Variants in POM121L12 observed in about 807,000 individuals in gnomAD.
The protein encoded by POM121L12 is POM121 transmembrane nucleoporin like 12.
For synonymous variants in POM121L12, 251 were observed against 179.2 expected (o/e 1.40, Z -3.20); for missense variants, 553 against 409.2 (o/e 1.35, Z -3.03).
rs781565063 is a variant in POM121L12 at position 53,036,086 on chromosome 7, A to G, written c.415A>G (p.Ile139Val). ...NPGRTWSPVTIGIAPPERQES... is the reference protein window; with the variant it reads ...NPGRTWSPVTVGIAPPERQES... ...AGGACGGACCTGGAGCCCGGTGACCATCGGGATCGCGCCCCCTGAGCGTCA... is the reference window on the plus strand; with the variant it reads ...AGGACGGACCTGGAGCCCGGTGACCGTCGGGATCGCGCCCCCTGAGCGTCA... The change falls in exon 1 of 1, where the codon ATC (isoleucine) becomes GTC (valine). Residue 139 changes from isoleucine (I) to valine (V), a missense_variant. Physicochemically the swap from Ile to Val is conservative, Grantham distance 29 (BLOSUM62 3). Coordinates refer to ENST00000408890, the MANE Select transcript of POM121L12 (RefSeq NM_182595.4). 1 of 1,612,604 alleles carries G rather than the reference A, an allele frequency of 6.2e-7. No individual in the cohort carries two copies. The highest frequency in any genetic ancestry group is 8.5e-7 in the Non-Finnish European group (1 of 1,179,804).
Position 53,036,300 on chromosome 7 carries a change from T to A in POM121L12, c.629T>A (p.Leu210Gln). ...GACAGCAAGGGTGGCAGGCGGAACC[T>A]GCAGCCCCGGCCCTCTGCCTTCAAG... Reference protein sequence around the residue: ...VSDSKGGRRNLQPRPSAFKPL... With the variant: ...VSDSKGGRRNQQPRPSAFKPL... Residue 210 changes from leucine (L) to glutamine (Q), a missense_variant, in exon 1 of 1, where the codon CTG becomes CAG. By Grantham distance (113) the Leu-to-Gln change is moderately radical (BLOSUM62 -2). Coordinates refer to ENST00000408890, the MANE Select transcript of POM121L12 (RefSeq NM_182595.4). The A allele has an allele frequency of 6.2e-7, 1 of 1,614,116 alleles. No homozygotes were observed. The highest frequency in any genetic ancestry group is 1.1e-5 in the South Asian group (1 of 91,090).
At position 53,036,673 on chromosome 7, in the gene POM121L12, T is replaced by C; in HGVS notation, c.*111T>C. The C allele has an allele frequency of 4.1e-6, 5 of 1,212,920 alleles. No individual in the cohort carries two copies. The highest frequency in any genetic ancestry group is 1.2e-6 in the Non-Finnish European group (1 of 862,790). The allele number at this position is 1,212,920 out of a possible 1,614,324, so 75.1% of individuals were successfully genotyped here. A position where few individuals can be genotyped will look rare whatever the true frequency, so the allele number is the denominator to read the frequency against. On this transcript the variant is annotated 3_prime_UTR_variant, in exon 1 of 1. Transcript: ENST00000408890. Reference sequence around the variant, plus strand: ...GGCCCTGACACCACGTTATCAAACATGCAGCCCCCACACCCCTCGTCTGCC... The same window carrying C: ...GGCCCTGACACCACGTTATCAAACACGCAGCCCCCACACCCCTCGTCTGCC...
chr7:53,036,062 G>C lies in POM121L12; in HGVS notation c.391G>C (p.Gly131Arg). 1.2e-6 allele frequency: 2 copies of C among 1,612,840 alleles called. No individual in the cohort carries two copies. The highest frequency in any genetic ancestry group is 1.7e-6 in the Non-Finnish European group (2 of 1,179,736). ...KGGLCRAWNP[G>R]RTWSPVTIGI... ...GGGGCTGTGTCGTGCCTGGAACCCA[G>C]GACGGACCTGGAGCCCGGTGACCAT... The change falls in exon 1 of 1, where the codon GGA (glycine) becomes CGA (arginine). Residue 131 changes from glycine (G) to arginine (R), a missense_variant. Transcript: ENST00000408890.
chr7:53,036,903 C>T lies in POM121L12; in HGVS notation c.*341C>T, dbSNP rs1396635114. The T allele has an allele frequency of 3.8e-6, 1 of 260,054 alleles. No homozygotes were observed. Among genetic ancestry groups the T allele is most frequent in the East Asian group, 8.2e-5 (1 of 12,188 alleles). 16.1% of individuals were successfully genotyped at this position (260,054 alleles called of 1,614,324 possible). A position where few individuals can be genotyped will look rare whatever the true frequency, so the allele number is the denominator to read the frequency against. ...CCAGTTGTATAGTTAAATATTTGAT[C>T]TTATTAAAAACATTTGTCTGCAGAA... On this transcript the variant is annotated 3_prime_UTR_variant, in exon 1 of 1. Coordinates refer to ENST00000408890, the MANE Select transcript of POM121L12 (RefSeq NM_182595.4).
In POM121L12 at chr7:53,036,283, G is replaced by T. The variant is rs1025627433; in HGVS notation, c.612G>T (p.Lys204Asn). 2.5e-6 allele frequency: 4 copies of T among 1,614,142 alleles called. No homozygotes were observed. Among genetic ancestry groups the T allele is most frequent in the Non-Finnish European group, 2.5e-6 (3 of 1,180,012 alleles). ...TGTGGTTCGAGGTCTCAGACAGCAA[G>T]GGTGGCAGGCGGAACCTGCAGCCCC... is the stretch of plus-strand genomic sequence containing the variant. The part of the protein sequence containing the change: ...GPLWFEVSDS[K>N]GGRRNLQPRP... The change falls in exon 1 of 1, where the codon AAG becomes AAT. Residue 204 changes from lysine to asparagine, a missense_variant. Lys to Asn is a moderately conservative substitution (Grantham distance 94). Coordinates refer to ENST00000408890, the MANE Select transcript of POM121L12 (RefSeq NM_182595.4).
In POM121L12 at chr7:53,036,138, A is replaced by G; in HGVS notation, c.467A>G (p.Gln156Arg). The G allele has an allele frequency of 1.9e-6, 3 of 1,611,014 alleles. No homozygotes were observed. Among genetic ancestry groups the G allele is most frequent in the Non-Finnish European group, 2.5e-6 (3 of 1,179,464 alleles). ...GAGAGCCCCTGGAGATCCCCTGGACAGAGAGCCCGCCCCGCAGGCCGCCCC... is the reference window on the plus strand; with the variant it reads ...GAGAGCCCCTGGAGATCCCCTGGACGGAGAGCCCGCCCCGCAGGCCGCCCC... ...RQESPWRSPG[Q>R]RARPAGRPAA... The change falls in exon 1 of 1, where the codon CAG becomes CGG. Residue 156 changes from glutamine to arginine, a missense_variant. By Grantham distance (43) the Gln-to-Arg change is conservative. Transcript: ENST00000408890.
chr7:53,036,374 C>A lies in POM121L12; in HGVS notation c.703C>A (p.Pro235Thr). 1 of 1,613,726 alleles carries A rather than the reference C, an allele frequency of 6.2e-7. No homozygotes were observed. Among genetic ancestry groups the A allele is most frequent in the African/African-American group, 1.3e-5 (1 of 75,036 alleles). The stretch of plus-strand genomic sequence containing the variant: ...TGCTTCCTTCGTGCCCAGGCCAGGG[C>A]CTCTGAAGCCGAGCCTCGGCCCCTG... ...AVASFVPRPG[P>T]LKPSLGPWSL... Residue 235 changes from proline (P) to threonine (T), a missense_variant, in exon 1 of 1, where the codon CCT becomes ACT. Coordinates refer to ENST00000408890, the MANE Select transcript of POM121L12 (RefSeq NM_182595.4).
In POM121L12 at chr7:53,036,106, G is replaced by A. The variant is rs1334825496; in HGVS notation, c.435G>A (p.Glu145=). 1.9e-6 allele frequency: 3 copies of A among 1,611,960 alleles called. No individual in the cohort carries two copies. Among genetic ancestry groups the A allele is most frequent in the Non-Finnish European group, 2.5e-6 (3 of 1,179,800 alleles). ...TGACCATCGGGATCGCGCCCCCTGA[G>A]CGTCAGGAGAGCCCCTGGAGATCCC... ...SPVTIGIAPP[E]RQESPWRSPG... is the part of the protein sequence containing the mutation. The change falls in exon 1 of 1, where the codon GAG becomes GAA. Residue 145 remains glutamate, a synonymous_variant. Coordinates refer to ENST00000408890, the MANE Select transcript of POM121L12 (RefSeq NM_182595.4).
In POM121L12 at chr7:53,036,250, C is replaced by T. The variant is rs375458709; in HGVS notation, c.579C>T (p.Asp193=). ...GCCCCAAGGGAAGCGCTAGGTTCGA[C>T]GGGCCGTTGTGGTTCGAGGTCTCAG... is the stretch of plus-strand genomic sequence containing the variant. ...SQCPKGSARF[D]GPLWFEVSDS... Residue 193 remains aspartate (D), a synonymous_variant, in exon 1 of 1, where the codon GAC becomes GAT. Coordinates refer to ENST00000408890, the MANE Select transcript of POM121L12 (RefSeq NM_182595.4). The T allele has an allele frequency of 5.1e-4, 826 of 1,613,850 alleles. 1 individual carries two copies. Among genetic ancestry groups the T allele is most frequent in the Non-Finnish European group, 6.4e-4 (760 of 1,179,974 alleles).
At position 53,035,972 on chromosome 7, in the gene POM121L12, G is replaced by T. The variant is rs1013805683; in HGVS notation, c.301G>T (p.Ala101Ser). ...GGTCTCCGAGGGCTGGAGGCGCCCT[G>T]CCCTTCCCGGGGAGACCGCTCTGGG... ...RVVSEGWRRPALPGETALGRD... is the reference protein window; with the variant it reads ...RVVSEGWRRPSLPGETALGRD... Residue 101 changes from alanine to serine, a missense_variant, in exon 1 of 1, where the codon GCC (alanine) becomes TCC (serine). Coordinates refer to ENST00000408890, the MANE Select transcript of POM121L12 (RefSeq NM_182595.4). The T allele has an allele frequency of 2.5e-6, 4 of 1,612,654 alleles. No homozygotes were observed. The highest frequency in any genetic ancestry group is 3.4e-6 in the Non-Finnish European group (4 of 1,179,550).
At position 53,036,705 on chromosome 7, in the gene POM121L12, C is replaced by T. The variant is rs1270534736; in HGVS notation, c.*143C>T. On this transcript the variant is annotated 3_prime_UTR_variant, in exon 1 of 1. Coordinates refer to ENST00000408890, the MANE Select transcript of POM121L12 (RefSeq NM_182595.4). ...CCCACACCCCTCGTCTGCCCGCCCC[C>T]AGATCTTCCCTCTGTGCTCCCTGCC... The T allele has an allele frequency of 1.1e-6, 1 of 883,288 alleles. No homozygotes were observed. Among genetic ancestry groups the T allele is most frequent in the Non-Finnish European group, 1.7e-6 (1 of 581,624 alleles). The allele number at this position is 883,288 out of a possible 1,614,324, so 54.7% of individuals were successfully genotyped here.
At position 53,036,265 on chromosome 7, in the gene POM121L12, C is replaced by G. The variant is rs1398358196; in HGVS notation, c.594C>G (p.Phe198Leu). ...GSARFDGPLWFEVSDSKGGRR... is the reference protein window; with the variant it reads ...GSARFDGPLWLEVSDSKGGRR... ...CTAGGTTCGACGGGCCGTTGTGGTT[C>G]GAGGTCTCAGACAGCAAGGGTGGCA... The change falls in exon 1 of 1, where the codon TTC (phenylalanine) becomes TTG (leucine). Residue 198 changes from phenylalanine to leucine, a missense_variant. By Grantham distance (22) the Phe-to-Leu change is conservative (BLOSUM62 0). Transcript: ENST00000408890. 1.9e-6 allele frequency: 3 copies of G among 1,613,940 alleles called. No individual in the cohort carries two copies. Among genetic ancestry groups the G allele is most frequent in the Non-Finnish European group, 2.5e-6 (3 of 1,180,002 alleles).
In POM121L12 at chr7:53,036,476, G is replaced by A. The variant is rs772278187; in HGVS notation, c.805G>A (p.Glu269Lys). The change falls in exon 1 of 1, where the codon GAG becomes AAG. Residue 269 changes from glutamate (E) to lysine (K), a missense_variant. By Grantham distance (56) the Glu-to-Lys change is moderately conservative. Coordinates refer to ENST00000408890, the MANE Select transcript of POM121L12 (RefSeq NM_182595.4). ...PAPSAIWDFW[E>K]ATTPSCGSCS... ...CCCATCCGCCATCTGGGACTTCTGGGAGGCGACAACGCCTTCCTGCGGCAG... is the reference window on the plus strand; with the variant it reads ...CCCATCCGCCATCTGGGACTTCTGGAAGGCGACAACGCCTTCCTGCGGCAG... The A allele has an allele frequency of 1.2e-6, 2 of 1,613,910 alleles. No homozygotes were observed. Among genetic ancestry groups the A allele is most frequent in the Non-Finnish European group, 1.7e-6 (2 of 1,180,030 alleles).
At position 53,036,147 on chromosome 7, in the gene POM121L12, G is replaced by T. The variant is rs565383229; in HGVS notation, c.476G>T (p.Arg159Leu). 5 of 1,610,364 alleles carry T rather than the reference G, an allele frequency of 3.1e-6. No individual in the cohort carries two copies. Among genetic ancestry groups the T allele is most frequent in the Middle Eastern group, 1.7e-4 (1 of 5,972 alleles). Residue 159 changes from arginine to leucine, a missense_variant, in exon 1 of 1, where the codon CGC becomes CTC. Coordinates refer to ENST00000408890, the MANE Select transcript of POM121L12 (RefSeq NM_182595.4). ...TGGAGATCCCCTGGACAGAGAGCCCGCCCCGCAGGCCGCCCCGCCGCCCAG... is the reference window on the plus strand; with the variant it reads ...TGGAGATCCCCTGGACAGAGAGCCCTCCCCGCAGGCCGCCCCGCCGCCCAG... ...SPWRSPGQRA[R>L]PAGRPAAQEL...
At position 53,036,810 on chromosome 7, in the gene POM121L12, T is replaced by A. The variant is rs1787572097; in HGVS notation, c.*248T>A. On this transcript the variant is annotated 3_prime_UTR_variant, in exon 1 of 1. Transcript: ENST00000408890. ...TCCCTGCCCTTCTTCCTGCCCTTCC[T>A]CTGAAAAGAGGCATTTCGGGAAGGC... 2 of 482,130 alleles carry A rather than the reference T, an allele frequency of 4.1e-6. No homozygotes were observed. Among genetic ancestry groups the A allele is most frequent in the Non-Finnish European group, 7.5e-6 (2 of 266,342 alleles). 29.9% of individuals were successfully genotyped at this position (482,130 alleles called of 1,614,324 possible). A position where few individuals can be genotyped will look rare whatever the true frequency, so the allele number is the denominator to read the frequency against.
At position 53,036,365 on chromosome 7, in the gene POM121L12, A is replaced by G. The variant is rs758112862; in HGVS notation, c.694A>G (p.Arg232Gly). 23 of 1,613,500 alleles carry G rather than the reference A, an allele frequency of 1.4e-5. No homozygotes were observed. In the African/African-American group the frequency reaches 2.9e-4, roughly 21 times the overall value. The part of the protein sequence containing the change: ...KNGAVASFVP[R>G]PGPLKPSLGP... ...TGGAGCGGTTGCTTCCTTCGTGCCCAGGCCAGGGCCTCTGAAGCCGAGCCT... is the reference window on the plus strand; with the variant it reads ...TGGAGCGGTTGCTTCCTTCGTGCCCGGGCCAGGGCCTCTGAAGCCGAGCCT... The change falls in exon 1 of 1, where the codon AGG (arginine) becomes GGG (glycine). Residue 232 changes from arginine (R) to glycine (G), a missense_variant. Arg to Gly is a moderately radical substitution (Grantham distance 125). Transcript: ENST00000408890.
chr7:53,035,688 C>A lies in POM121L12; in HGVS notation c.17C>A (p.Pro6Gln). MGAAA[P>Q]AESADLGNFW... ...CCCCCAGCCATGGGCGCTGCAGCTC[C>A]GGCCGAGTCCGCAGACCTCGGGAAC... The change falls in exon 1 of 1, where the codon CCG becomes CAG. Residue 6 changes from proline to glutamine, a missense_variant. Transcript: ENST00000408890. 1 of 1,588,406 alleles carries A rather than the reference C, an allele frequency of 6.3e-7. No homozygotes were observed. The highest frequency in any genetic ancestry group is 8.6e-7 in the Non-Finnish European group (1 of 1,167,820).
In POM121L12 at chr7:53,036,436, G is replaced by C. The variant is rs1381654881; in HGVS notation, c.765G>C (p.Val255=). The C allele has an allele frequency of 1.9e-6, 3 of 1,613,572 alleles. No individual in the cohort carries two copies. Among genetic ancestry groups the C allele is most frequent in the Non-Finnish European group, 2.5e-6 (3 of 1,180,024 alleles). The change falls in exon 1 of 1, where the codon GTG becomes GTC. Residue 255 remains valine (V), a synonymous_variant. Transcript: ENST00000408890. The stretch of plus-strand genomic sequence containing the variant: ...TTTGTGATGATGCTTGGCCTTCCGT[G>C]CTGGTCCAGCCCGCCCCATCCGCCA... ...LSFCDDAWPS[V]LVQPAPSAIW...
In POM121L12 at chr7:53,035,645, C is replaced by T. The variant is rs1430688563; in HGVS notation, c.-27C>T. 7.9e-6 allele frequency: 12 copies of T among 1,516,130 alleles called. No individual in the cohort carries two copies. The highest frequency in any genetic ancestry group is 2.1e-5 in the Admixed American group (1 of 46,946). 93.9% of individuals were successfully genotyped at this position (1,516,130 alleles called of 1,614,324 possible). On this transcript the variant is annotated 5_prime_UTR_variant, in exon 1 of 1. Transcript: ENST00000408890. ...GCCCATGTCCTTCGTGCCTTCCAAGCGCCCAGAGGCCAACGGTCCCCCAGC... is the reference window on the plus strand; with the variant it reads ...GCCCATGTCCTTCGTGCCTTCCAAGTGCCCAGAGGCCAACGGTCCCCCAGC...
Sources: gnomAD v4.1 joint callset for allele counts on GRCh38, gnomAD v4.1.1 for gene constraint, MANE v1.5 for transcripts, NCBI Gene and HGNC (gene_info 2026-07-23, HGNC 2026-07-21) for gene names.